The following CFAP61 variants were observed in gnomAD, a reference collection of about 807,000 sequenced individuals.
CFAP61 encodes the protein cilia- and flagella-associated protein 61.
Under a neutral mutation model 135.6 loss-of-function variants are expected in CFAP61, and 107 were observed. That is an observed-to-expected ratio of 0.79 (90% CI 0.67 to 0.93). The LOEUF (loss-of-function observed/expected upper bound fraction) is 0.93, where lower values mean the gene tolerates loss of function less well. CFAP61 is among the 40% of genes least tolerant of loss of function. The pLI is 0.00. For missense variants in CFAP61, 1,507 were observed against 1,556.2 expected (o/e 0.97, Z 0.53); for synonymous variants, 575 against 578.5 (o/e 0.99, Z 0.09).
chr20:20,234,473 G>A (rs1031090296), intron 18 of CFAP61, among the ~76,000 whole-genome samples: 1 of 152,186 alleles, frequency 6.6e-6, no homozygotes, highest in Non-Finnish European at 1.5e-5. Flanking sequence ...AGAAGGCTGT[G>A]GGGAGAGGAT....
At chr20:20,218,621 T>G (rs1206638939) in intron 17 of CFAP61, among the ~76,000 whole-genome samples, 2 of 152,224 alleles carry the variant, frequency 1.3e-5, no homozygotes, top group African/African-American at 4.8e-5. Flanking sequence ...CAACAGTAGC[T>G]TCCTGATACA....
intron 18 of CFAP61, among the ~76,000 whole-genome samples, chr20:20,231,467 G>C (rs937918505): frequency 6.6e-6 from 1 of 152,122 alleles, no homozygotes. Flanking sequence ...CCCCAGCAGA[G>C]CCGAGGAGCC....
chr20:20,356,571 G>C (rs1289326500), intron 26 of CFAP61, among the ~76,000 whole-genome samples: 6 of 105,792 alleles, frequency 5.7e-5, no homozygotes, highest in Non-Finnish European at 8.3e-5. Flanking sequence ...TGGTCATAGT[G>C]TGAGGGGAGG....
At chr20:20,097,509 C>T (rs557382665) in intron 7 of CFAP61, among the ~76,000 whole-genome samples, 19 of 152,262 alleles carry the variant, frequency 1.2e-4, no homozygotes, top group African/African-American at 3.6e-4. Flanking sequence ...CAGTCACAGC[C>T]GTCTCTCCAT....
At chr20:20,331,118 T>C (rs1293819423) in intron 25 of CFAP61, among the ~76,000 whole-genome samples, 2 of 152,336 alleles carry the variant, frequency 1.3e-5, no homozygotes, top group Admixed American at 6.5e-5. Flanking sequence ...TACCAAATGG[T>C]GATTTTTCTA....
intron 20 of CFAP61, among the ~76,000 whole-genome samples, chr20:20,256,400 C>CCACA (rs35783358): frequency 0.01 from 1,541 of 148,760 alleles, 13 homozygotes; most frequent in South Asian, 0.023. Flanking sequence ...AAAATTTAGG[C>CCACA]CACACACACA....
At chr20:20,200,036 GCGGAGCCCCGCGAAGGCTC>G (rs2056530631) in intron 17 of CFAP61, 134 bp downstream of exon 17, 1 of 1,045,778 alleles carries the variant, frequency 9.6e-7, no homozygotes, top group South Asian at 1.5e-5. Flanking sequence ...ACCCTTACAG[GCGGAGCCCCGCGAAGGCTC>G]CCCTGCAGCC....
chr20:20,304,080 C>T (rs1342775670), intron 25 of CFAP61, among the ~76,000 whole-genome samples: 1 of 152,108 alleles, frequency 6.6e-6, no homozygotes, highest in Non-Finnish European at 1.5e-5. Context: ...TATGGGGACA[C>T]GAGGTGGCGG....
chr20:20,083,298 A>C (rs1002039596), intron 6 of CFAP61, among the ~76,000 whole-genome samples: 2 of 151,836 alleles, frequency 1.3e-5, no homozygotes, highest in African/African-American at 2.4e-5. Flanking sequence ...CTATGAGGAC[A>C]CAAAGGCATA....
chr20:20,104,369 G>GA (rs2048233383), intron 8 of CFAP61, among the ~76,000 whole-genome samples: 1 of 151,586 alleles, frequency 6.6e-6, no homozygotes, highest in Non-Finnish European at 1.5e-5. Flanking sequence ...TCATCTCTTG[G>GA]GTTAGGAAAC....
chr20:20,150,517 C>T (rs2052317500), intron 9 of CFAP61, among the ~76,000 whole-genome samples: 1 of 152,220 alleles, frequency 6.6e-6, no homozygotes, highest in Admixed American at 6.5e-5. Flanking sequence ...AAAACCAATT[C>T]CACTGCCTGA....
At chr20:20,193,373 A>C (rs1041798028) in intron 15 of CFAP61, among the ~76,000 whole-genome samples, 1 of 152,070 alleles carries the variant, frequency 6.6e-6, no homozygotes, top group Non-Finnish European at 1.5e-5. Context: ...AATTTTATCA[A>C]ATGTGTTTTT....
intron 6 of CFAP61, 67 bp from the exon 7 acceptor site, chr20:20,090,777 G>GAC: frequency 6.4e-7 from 1 of 1,554,892 alleles, no homozygotes; most frequent in Non-Finnish European, 8.8e-7. Flanking sequence ...CTGGCACACA[G>GAC]TTGGTGCCCT....
chr20:20,186,253 A>G (rs141623419), intron 13 of CFAP61, among the ~76,000 whole-genome samples: 6 of 152,348 alleles, frequency 3.9e-5, no homozygotes, highest in Admixed American at 3.3e-4. Flanking sequence ...TGGACATTTC[A>G]TATAAATGGA....
intron 8 of CFAP61, among the ~76,000 whole-genome samples, chr20:20,140,181 A>G (rs926722): frequency 0.9 from 128,865 of 142,630 alleles, 58,961 homozygotes; most frequent in Middle Eastern, 0.99. Flanking sequence ...TTTTTAAAAA[A>G]TTTTTTATTT....
intron 17 of CFAP61, among the ~76,000 whole-genome samples, chr20:20,201,724 A>G (rs1030853881): frequency 1.3e-5 from 2 of 152,228 alleles, no homozygotes; most frequent in Admixed American, 6.5e-5. Context: ...GCATAGAAGT[A>G]CATGGATGTG....
chr20:20,181,590 C>A (rs574452096), intron 13 of CFAP61, among the ~76,000 whole-genome samples: 1 of 151,936 alleles, frequency 6.6e-6, no homozygotes, highest in East Asian at 1.9e-4. Context: ...CTAATAGATT[C>A]GGGCATTCAA....
intron 25 of CFAP61, among the ~76,000 whole-genome samples, chr20:20,330,587 T>A (rs1269044299): frequency 1.3e-5 from 2 of 152,146 alleles, no homozygotes; most frequent in Non-Finnish European, 2.9e-5. Flanking sequence ...TCCGCCTGCC[T>A]CAGCCACCCA....
At chr20:20,052,889 C>T in intron 1 of CFAP61, 3 of 647,178 alleles carry the variant, frequency 4.6e-6, no homozygotes, top group Middle Eastern at 4.3e-4. Flanking sequence ...CACGCCCCCT[C>T]GTTTCTGGTT....
Sources: gnomAD v4.1 joint callset for allele counts (sites outside exome capture counted in the v4.1 genomes callset) on GRCh38, gnomAD v4.1.1 for gene constraint, MANE v1.5 for transcripts, NCBI Gene and HGNC (gene_info 2026-07-23, HGNC 2026-07-21) for gene names.